The following GON4L variants were observed in gnomAD, a reference collection of about 807,000 sequenced individuals.
GON4L encodes GON-4-like protein.
Under a neutral mutation model 211.8 loss-of-function variants are expected in GON4L, and 87 were observed. The ratio of observed to expected loss-of-function variants is 0.41; its 90% CI spans 0.35 to 0.49. The LOEUF is 0.49. Ranked by LOEUF, GON4L falls within the 20% of genes least tolerant of loss-of-function variation. GON4L has a pLI of 0.15. For synonymous variants in GON4L, 875 were observed against 962.6 expected (o/e 0.91, Z 1.68); for missense variants, 2,155 against 2,659.5 (o/e 0.81, Z 4.17).
chr1:155,795,252 G>T, intron 11 of GON4L, 101 bp from the exon 12 acceptor site: 1 of 759,348 alleles, frequency 1.3e-6, no homozygotes, highest in South Asian at 1.4e-5. Context: ...TTTGAGACAG[G>T]GTCTCACTCT....
Position 155,807,703 on chromosome 1 carries a change from C to CAAAA in GON4L, c.1453-2566_1453-2563dup, listed in dbSNP as rs61248477. ...TGGGTGACAGAGCCAGACTCCGTCT[C>CAAAA]AAAAAAAAAAAAAAAAAAAAAAGAA... On this transcript the variant is annotated intron_variant, in intron 10 of 31. Transcript: ENST00000368331. Among the ~76,000 whole-genome samples, 52 of 52,910 alleles carry CAAAA rather than the reference C, an allele frequency of 9.8e-4. 12 individuals carry two copies. The East Asian group carries it at 0.016, about 17-fold the overall frequency. The allele number at this position is 52,910 out of a possible 152,430, so 34.7% of individuals were successfully genotyped here.
At chr1:155,796,782 C>A in intron 11 of GON4L, among the ~76,000 whole-genome samples, 1 of 151,034 alleles carries the variant, frequency 6.6e-6, no homozygotes, top group East Asian at 1.9e-4. Context: ...AGCCATTAGC[C>A]ACATGTGACT....
chr1:155,852,161 A>C (rs35370191), intron 2 of GON4L, among the ~76,000 whole-genome samples: 1 of 20,002 alleles, frequency 5.0e-5, no homozygotes, highest in Non-Finnish European at 1.5e-4. Flanking sequence ...CGAGACTGTC[A>C]CAAAAAAAAA....
At position 155,750,236 on chromosome 1, in the gene GON4L, G is replaced by C. The variant is rs9426934; in HGVS notation, c.*348C>G. On this transcript the variant is annotated 3_prime_UTR_variant, in exon 32 of 32. Transcript: ENST00000368331. Reference sequence around the variant, plus strand: ...AGAGGAGCTCAATGTCGCGGGACTAGCTACACCAACATATGCACTTTTTAC... The same window carrying C: ...AGAGGAGCTCAATGTCGCGGGACTACCTACACCAACATATGCACTTTTTAC... 0.021 allele frequency: 12,007 copies of C among 559,672 alleles called. 1,225 individuals carry two copies. The African/African-American group carries it at 0.22, about 10-fold the overall frequency. The allele number at this position is 559,672 out of a possible 1,614,324, so 34.7% of individuals were successfully genotyped here.
intron 16 of GON4L, 109 bp from the exon 17 acceptor site, chr1:155,775,282 G>C (rs776140950): frequency 7.1e-7 from 1 of 1,414,476 alleles, no homozygotes; most frequent in Non-Finnish European, 1.0e-6. Flanking sequence ...GATAAAAACA[G>C]GTAAAAATCA....
chr1:155,791,654 G>A (rs1665573875), intron 12 of GON4L, among the ~76,000 whole-genome samples: 1 of 151,892 alleles, frequency 6.6e-6, no homozygotes, highest in Non-Finnish European at 1.5e-5. Flanking sequence ...GATCACCTGA[G>A]GTCAAGAGTT....
At chr1:155,819,558 G>A (rs1668560935) in intron 6 of GON4L, among the ~76,000 whole-genome samples, 1 of 151,510 alleles carries the variant, frequency 6.6e-6, no homozygotes, top group African/African-American at 2.4e-5. Context: ...GCCCAGCCTA[G>A]ACCTGTTTCT....
chr1:155,856,067 C>T (rs1490137878), intron 1 of GON4L, among the ~76,000 whole-genome samples: 2 of 151,622 alleles, frequency 1.3e-5, no homozygotes, highest in Admixed American at 1.3e-4. Flanking sequence ...TAGAATAAGC[C>T]GCCTTGTGTT....
chr1:155,762,104 A>T, intron 23 of GON4L, 86 bp downstream of exon 23: 2 of 1,117,194 alleles, frequency 1.8e-6, no homozygotes, highest in Non-Finnish European at 2.6e-6. Flanking sequence ...AGCCTGAAAA[A>T]CAGACTTTAT....
chr1:155,745,737 G>A, downstream of GON4L: 1 of 1,096,066 alleles, frequency 9.1e-7, no homozygotes, highest in Non-Finnish European at 1.3e-6. Context: ...TAAGTCGCCA[G>A]TATAACACCC....
chr1:155,786,199 TAGAGAG>T (rs933486445), intron 12 of GON4L, among the ~76,000 whole-genome samples: 3 of 151,262 alleles, frequency 2.0e-5, no homozygotes, highest in African/African-American at 7.3e-5. Context: ...GAAAGAGAGA[TAGAGAG>T]AGAGAGTTCT....
At chr1:155,776,512 A>C in intron 15 of GON4L, 31 bp from the exon 16 acceptor site, 8 of 1,441,576 alleles carry the variant, frequency 5.5e-6, no homozygotes, top group Non-Finnish European at 7.8e-6. Context: ...ATGAAGTGAC[A>C]TGTTACCACA....
Position 155,797,944 on chromosome 1 carries a change from C to T in GON4L, c.1646-2793G>A, listed in dbSNP as rs373729892. Among the ~76,000 whole-genome samples the T allele has an allele frequency of 1.2e-3, 184 of 150,740 alleles. 1 individual carries two copies. Among genetic ancestry groups the T allele is most frequent in the African/African-American group, 4.3e-3 (176 of 41,124 alleles). On this transcript the variant is annotated intron_variant, in intron 11 of 31. Transcript: ENST00000368331. ...GACTTTTTAAAAATTAGCCAAGTGTCGTGGTGTGTGCCTATAGTCCCAGCT... is the reference window on the plus strand; with the variant it reads ...GACTTTTTAAAAATTAGCCAAGTGTTGTGGTGTGTGCCTATAGTCCCAGCT...
chr1:155,790,244 C>T (rs767465000), intron 12 of GON4L, among the ~76,000 whole-genome samples: 12 of 152,030 alleles, frequency 7.9e-5, no homozygotes, highest in Non-Finnish European at 1.3e-4. Flanking sequence ...GGACTACAGG[C>T]GTGAGCCACC....
At chr1:155,788,874 A>G (rs1448650569) in intron 12 of GON4L, among the ~76,000 whole-genome samples, 2 of 152,116 alleles carry the variant, frequency 1.3e-5, no homozygotes, top group African/African-American at 2.4e-5. Flanking sequence ...GTGGATCACA[A>G]GGTCAGGAGA....
intron 12 of GON4L, among the ~76,000 whole-genome samples, chr1:155,794,722 C>T (rs953431900): frequency 1.5e-4 from 23 of 152,190 alleles, no homozygotes; most frequent in African/African-American, 5.5e-4. Context: ...CCTGTTACAG[C>T]ATTTATCACT....
chr1:155,772,356 T>G (rs1278616874), intron 18 of GON4L, among the ~76,000 whole-genome samples: 1 of 152,030 alleles, frequency 6.6e-6, no homozygotes, highest in Non-Finnish European at 1.5e-5. Context: ...TCAGACAACT[T>G]AAACCGGCAC....
At chr1:155,768,468 A>G (rs1407249889) in intron 19 of GON4L, among the ~76,000 whole-genome samples, 2 of 151,642 alleles carry the variant, frequency 1.3e-5, no homozygotes, top group African/African-American at 2.4e-5. Flanking sequence ...AAAATTAGCC[A>G]GGCGTGGTGG....
At chr1:155,802,143 A>G (rs1666727183) in intron 11 of GON4L, among the ~76,000 whole-genome samples, 1 of 152,202 alleles carries the variant, frequency 6.6e-6, no homozygotes, top group South Asian at 2.1e-4. Flanking sequence ...GATGCATACC[A>G]AAGTATTATC....
Sources: gnomAD v4.1 joint callset for allele counts (sites outside exome capture counted in the v4.1 genomes callset) on GRCh38, gnomAD v4.1.1 for gene constraint, MANE v1.5 for transcripts, NCBI Gene and HGNC (gene_info 2026-07-23, HGNC 2026-07-21) for gene names.